PSIP1: variants seen among roughly 807,000 people sequenced by gnomAD.
PSIP1 encodes the protein PC4 and SRSF1 interacting protein 1, also known as PC4 and SFRS1-interacting protein.
PSIP1 carries 19 observed loss-of-function variants against 74.7 expected under a neutral mutation model. The observed-to-expected ratio is 0.25, with a 90% CI of 0.18 to 0.37. The LOEUF (loss-of-function observed/expected upper bound fraction) is 0.37, where lower values mean the gene tolerates loss of function less well. PSIP1 is among the 10% of genes least tolerant of loss of function. PSIP1 has a pLI of 1.00. For synonymous variants in PSIP1, 222 were observed against 195.3 expected, an observed-to-expected ratio of 1.14 and a Z score of -1.14; for missense variants, 601 against 614.3, an observed-to-expected ratio of 0.98 and a Z score of 0.23.
At position 15,465,161 on chromosome 9, in the gene PSIP1, GAA is replaced by G; in HGVS notation, c.*357_*358del. ...TATGCACAAAACCCACAGTATTTGG[GAA>G]AAGAGGCAAGGTTTATACAAGTAGC... On this transcript the variant is annotated 3_prime_UTR_variant, in exon 16 of 16. Transcript: ENST00000380733. 1 of 240,548 alleles carries G rather than the reference GAA, an allele frequency of 4.2e-6. No individual in the cohort carries two copies. The highest frequency in any genetic ancestry group is 8.1e-6 in the Non-Finnish European group (1 of 123,308). The allele number at this position is 240,548 out of a possible 1,614,324, so 14.9% of individuals were successfully genotyped here. A position where few individuals can be genotyped will look rare whatever the true frequency, so the allele number is the denominator to read the frequency against.
At chr9:15,510,074 A>G in intron 2 of PSIP1, 43 bp downstream of exon 2, 1 of 1,553,084 alleles carries the variant, frequency 6.4e-7, no homozygotes, top group Non-Finnish European at 8.8e-7. Flanking sequence ...GCCTCTGGAG[A>G]GGAGGGTAGC....
intron 3 of PSIP1, among the ~76,000 whole-genome samples, chr9:15,502,866 T>G (rs977534642): frequency 2.0e-5 from 3 of 152,208 alleles, no homozygotes; most frequent in Non-Finnish European, 4.4e-5. Flanking sequence ...ATTCAAAACT[T>G]GATTGCTGAA....
chr9:15,502,520 TGCC>T (rs2037395264), intron 3 of PSIP1, among the ~76,000 whole-genome samples: 1 of 152,246 alleles, frequency 6.6e-6, no homozygotes, highest in Non-Finnish European at 1.5e-5. Flanking sequence ...GGGATCCTCC[TGCC>T]TCAGCCTCCT....
intron 3 of PSIP1, among the ~76,000 whole-genome samples, chr9:15,499,216 T>C (rs1271046150): frequency 6.6e-6 from 1 of 152,226 alleles, no homozygotes; most frequent in Non-Finnish European, 1.5e-5. Context: ...TAATACAGTC[T>C]TTGAAACATC....
chr9:15,476,311 C>A (rs988779340), intron 8 of PSIP1, among the ~76,000 whole-genome samples: 1 of 152,180 alleles, frequency 6.6e-6, no homozygotes, highest in Non-Finnish European at 1.5e-5. Context: ...TGCTTTAGGG[C>A]TGGGAGACTG....
rs1365446244 is a variant in PSIP1 at position 15,469,930 on chromosome 9, T to TCA, written c.1033+7_1033+8insTG. ...ATTTTATGTATCTTAGAAAGTGAAA[T>TCA]AACTAACCTCGCTTCTTCTCCACTT... On this transcript the variant is annotated splice_region_variant and intron_variant, in intron 11 of 15. Transcript: ENST00000380733. 6.2e-7 allele frequency: 1 copy of TCA among 1,602,268 alleles called. No individual in the cohort carries two copies. The highest frequency in any genetic ancestry group is 1.3e-5 in the African/African-American group (1 of 74,816).
chr9:15,497,509 TAG>T (rs2132186155), intron 3 of PSIP1, among the ~76,000 whole-genome samples: 2 of 152,156 alleles, frequency 1.3e-5, no homozygotes, highest in East Asian at 3.9e-4. Context: ...ATATTTTTAG[TAG>T]AGATGGGGTT....
chr9:15,500,958 T>C lies in PSIP1; in HGVS notation c.149+5603A>G, dbSNP rs545152904. Reference sequence around the variant, plus strand: ...GGAAAAATGGGTAAATCCCCACAACTCTTGTTCCCAAAATGAAATAAAAGT... The same window carrying C: ...GGAAAAATGGGTAAATCCCCACAACCCTTGTTCCCAAAATGAAATAAAAGT... On this transcript the variant is annotated intron_variant, in intron 3 of 15. Transcript: ENST00000380733. 3.9e-5 allele frequency among the ~76,000 whole-genome samples: 6 copies of C among 152,274 alleles called. 1 individual carries two copies. Among genetic ancestry groups the C allele is most frequent in the Admixed American group, 3.9e-4 (6 of 15,286 alleles).
chr9:15,481,385 A>G (rs1587485997), intron 6 of PSIP1, among the ~76,000 whole-genome samples: 1 of 152,238 alleles, frequency 6.6e-6, no homozygotes, highest in African/African-American at 2.4e-5. Context: ...AAATAAATCA[A>G]AACACTGAAT....
chr9:15,466,900 CA>C (rs778600042), intron 14 of PSIP1, 41 bp from the exon 15 acceptor site: 1 of 1,484,502 alleles, frequency 6.7e-7, no homozygotes, highest in South Asian at 1.2e-5. Context: ...TTAAAGCTTA[CA>C]AAACAATAAT....
chr9:15,475,122 A>G (rs1274496534), intron 8 of PSIP1, among the ~76,000 whole-genome samples: 1 of 152,200 alleles, frequency 6.6e-6, no homozygotes, highest in Non-Finnish European at 1.5e-5. Context: ...CCACTTAAGA[A>G]CTATTAAGTT....
At position 15,508,765 on chromosome 9, in the gene PSIP1, A is replaced by G. The variant is rs909673922; in HGVS notation, c.72+1352T>C. Among the ~76,000 whole-genome samples, 7 of 152,198 alleles carry G rather than the reference A, an allele frequency of 4.6e-5. No homozygotes were observed. In the East Asian group the frequency reaches 1.2e-3, roughly 25 times the overall value. ...GCATCATATATACTACGGACTATGG[A>G]GGGTATAAACAAATTCCATTTAAGG... On this transcript the variant is annotated intron_variant, in intron 2 of 15. Transcript: ENST00000380733.
chr9:15,483,103 C>A (rs191728850), intron 6 of PSIP1, among the ~76,000 whole-genome samples: 21 of 152,248 alleles, frequency 1.4e-4, no homozygotes, highest in Non-Finnish European at 2.8e-4. Context: ...GTTTCTGCAT[C>A]CTCTCAATAA....
At chr9:15,501,518 A>G (rs1362964868) in intron 3 of PSIP1, among the ~76,000 whole-genome samples, 1 of 152,132 alleles carries the variant, frequency 6.6e-6, no homozygotes, top group Non-Finnish European at 1.5e-5. Flanking sequence ...GGGAAAACAA[A>G]AGACCTGAGA....
intron 3 of PSIP1, among the ~76,000 whole-genome samples, chr9:15,499,778 G>A (rs2037245598): frequency 6.6e-6 from 1 of 151,708 alleles, no homozygotes; most frequent in Admixed American, 6.6e-5. Context: ...GGAGGCTGAG[G>A]CAGGAGAATC....
chr9:15,480,671 C>T (rs1207581164), intron 6 of PSIP1, among the ~76,000 whole-genome samples: 2 of 152,216 alleles, frequency 1.3e-5, no homozygotes, highest in African/African-American at 2.4e-5. Context: ...CCTGTAATCC[C>T]AGCATTTTGG....
rs916851721 is a variant in PSIP1, at chr9:15,474,157, C to T, written c.710G>A (p.Gly237Asp). ...TCTTGGCTTATCTTCTTCCTTCTGG[C>T]CCTCTTCATCCTTCTTAGGCTGCTT... ...PKKQPKKDEEGQKEEDKPRKE... is the reference protein window; with the variant it reads ...PKKQPKKDEEDQKEEDKPRKE... Residue 237 changes from glycine to aspartate, a missense_variant, in exon 9 of 16, where the codon GGC becomes GAC. Physicochemically the swap from Gly to Asp is moderately conservative, Grantham distance 94. Around this residue, in one of 2 missense-constraint regions of PSIP1, gnomAD observed 538 missense variants for 507.6 expected, o/e 1.06. Coordinates refer to ENST00000380733, the MANE Select transcript of PSIP1 (RefSeq NM_033222.5). 1.9e-6 allele frequency: 3 copies of T among 1,613,516 alleles called. No homozygotes were observed. The highest frequency in any genetic ancestry group is 1.7e-6 in the Non-Finnish European group (2 of 1,179,866).
At chr9:15,498,935 G>T (rs563042612) in intron 3 of PSIP1, among the ~76,000 whole-genome samples, 2 of 152,146 alleles carry the variant, frequency 1.3e-5, no homozygotes, top group East Asian at 1.9e-4. Flanking sequence ...AGGTTTAGGG[G>T]TTATTTCTAA....
intron 15 of PSIP1, among the ~76,000 whole-genome samples, chr9:15,466,309 G>T (rs1282828290): frequency 1.3e-5 from 2 of 152,242 alleles, no homozygotes. Context: ...AACCCAGGAA[G>T]TGGAGGTTGC....
Sources: allele counts gnomAD v4.1 joint callset (sites outside exome capture counted in the v4.1 genomes callset), GRCh38; gene constraint gnomAD v4.1.1; regional missense constraint gnomAD v4.1.1; transcripts MANE v1.5; gene names NCBI Gene and HGNC (gene_info 2026-07-23, HGNC 2026-07-21).